The following ZFHX3 variants were observed in gnomAD, a reference collection of about 807,000 sequenced individuals.
ZFHX3 encodes the protein zinc finger homeobox protein 3.
In ZFHX3, 42 loss-of-function variants were observed where a neutral mutation model predicts 279.1. That is an observed-to-expected ratio of 0.15 (90% CI 0.12 to 0.19). The LOEUF (loss-of-function observed/expected upper bound fraction) is 0.19, where lower values mean the gene tolerates loss of function less well. Ranked by LOEUF, ZFHX3 falls within the 10% of genes least tolerant of loss-of-function variation. The probability of loss-of-function intolerance (pLI) is 1.00; values close to 1 mark genes in which losing one functional copy is unlikely to be tolerated. For missense variants in ZFHX3, 4,981 were observed against 4,754.0 expected, an observed-to-expected ratio of 1.05 and a Z score of -1.40; for synonymous variants, 2,293 against 1,957.8, an observed-to-expected ratio of 1.17 and a Z score of -4.52.
chr16:72,970,921 G>A (rs1170116126), intron 1 of ZFHX3, among the ~76,000 whole-genome samples: 1 of 152,204 alleles, frequency 6.6e-6, no homozygotes, highest in Non-Finnish European at 1.5e-5. Context: ...TATGATTAAA[G>A]TTGTGGGAGT....
chr16:73,100,384 C>T (rs913238187), intron 7 of ZFHX3, among the ~76,000 whole-genome samples: 4 of 152,100 alleles, frequency 2.6e-5, no homozygotes, highest in Non-Finnish European at 5.9e-5. Context: ...ATCTCACCAA[C>T]GGGCATGCCT....
intron 1 of ZFHX3, among the ~76,000 whole-genome samples, chr16:72,989,458 G>A (rs1425925504): frequency 7.3e-5 from 11 of 151,406 alleles, no homozygotes; most frequent in Non-Finnish European, 1.5e-5. Flanking sequence ...CTCCAGCCTG[G>A]GCGACAGACA....
intron 4 of ZFHX3, among the ~76,000 whole-genome samples, chr16:73,307,063 T>C (rs2015198959): frequency 6.6e-6 from 1 of 152,166 alleles, no homozygotes; most frequent in Admixed American, 6.5e-5. Context: ...CACTGACAAA[T>C]GCCTTTTTGG....
At chr16:73,627,297 C>T (rs2052426301) in intron 2 of ZFHX3, among the ~76,000 whole-genome samples, 1 of 152,150 alleles carries the variant, frequency 6.6e-6, no homozygotes, top group Non-Finnish European at 1.5e-5. Flanking sequence ...AGGTTGGCAG[C>T]AGCCATATTA....
intron 2 of ZFHX3, among the ~76,000 whole-genome samples, chr16:72,955,850 C>G (rs1278167882): frequency 1.3e-5 from 2 of 151,308 alleles, no homozygotes; most frequent in Non-Finnish European, 2.9e-5. Flanking sequence ...TGTCTTCATT[C>G]CACCTCCGTT....
chr16:73,078,013 C>G (rs1394601928), intron 8 of ZFHX3, among the ~76,000 whole-genome samples: 1 of 152,144 alleles, frequency 6.6e-6, no homozygotes, highest in Non-Finnish European at 1.5e-5. Flanking sequence ...TCATGTTGAC[C>G]AGGCTGGTCT....
At chr16:73,675,597 C>G (rs1597059999) in intron 2 of ZFHX3, among the ~76,000 whole-genome samples, 1 of 152,084 alleles carries the variant, frequency 6.6e-6, no homozygotes, top group East Asian at 1.9e-4. Flanking sequence ...TCTTAGATTA[C>G]TGCGGTTCCT....
chr16:73,039,104 G>C (rs1194100986), intron 1 of ZFHX3, among the ~76,000 whole-genome samples: 1 of 147,220 alleles, frequency 6.8e-6, no homozygotes, highest in Admixed American at 6.9e-5. Context: ...ACATGCCACC[G>C]AGCCTAGCTA....
At chr16:73,153,616 C>T (rs192687430) in intron 5 of ZFHX3, among the ~76,000 whole-genome samples, 1 of 152,194 alleles carries the variant, frequency 6.6e-6, no homozygotes, top group Admixed American at 6.5e-5. Context: ...ATAAATATCT[C>T]TTAAGTTTAA....
chr16:73,312,531 G>C (rs1281697709), intron 4 of ZFHX3, among the ~76,000 whole-genome samples: 4 of 152,198 alleles, frequency 2.6e-5, no homozygotes, highest in Admixed American at 6.5e-5. Context: ...GAAAATGAGA[G>C]AGCAGCGATG....
chr16:72,946,704 C>T (rs1960695624), intron 3 of ZFHX3, among the ~76,000 whole-genome samples: 1 of 152,184 alleles, frequency 6.6e-6, no homozygotes, highest in Non-Finnish European at 1.5e-5. Flanking sequence ...GCAGGCTGTA[C>T]ACTAGCCGTG....
intron 2 of ZFHX3, among the ~76,000 whole-genome samples, chr16:73,671,553 AC>A (rs949315756): frequency 1.3e-5 from 2 of 152,258 alleles, no homozygotes; most frequent in African/African-American, 4.8e-5. Context: ...AGTGATATTA[AC>A]AAATTGGTTT....
At chr16:73,678,463 G>T (rs946542017) in intron 2 of ZFHX3, among the ~76,000 whole-genome samples, 1 of 151,950 alleles carries the variant, frequency 6.6e-6, no homozygotes, top group Non-Finnish European at 1.5e-5. Context: ...TGCTACTTAG[G>T]CTCTTCAGTA....
intron 7 of ZFHX3, among the ~76,000 whole-genome samples, chr16:72,802,066 C>T (rs1254707902): frequency 6.6e-6 from 1 of 152,032 alleles, no homozygotes; most frequent in African/African-American, 2.4e-5. Context: ...TTATCTAACA[C>T]CTCAGCTGCA....
chr16:73,174,848 T>C (rs1967622535), intron 5 of ZFHX3, among the ~76,000 whole-genome samples: 1 of 124,272 alleles, frequency 8.0e-6, no homozygotes, highest in Admixed American at 9.0e-5. Context: ...CAAAACCCCG[T>C]CTCTACTAAA....
At chr16:73,300,692 C>T (rs1281604330) in intron 4 of ZFHX3, among the ~76,000 whole-genome samples, 11 of 152,246 alleles carry the variant, frequency 7.2e-5, no homozygotes, top group South Asian at 2.1e-4. Context: ...TTAGTAGAGA[C>T]GGAGTTTTGC....
chr16:73,864,316 A>C (rs1254075032), intron 1 of ZFHX3, among the ~76,000 whole-genome samples: 2 of 152,250 alleles, frequency 1.3e-5, no homozygotes, highest in African/African-American at 4.8e-5. Context: ...CATTCACTGA[A>C]GGAACATTCA....
At chr16:73,500,708 A>G (rs1044152191) in intron 2 of ZFHX3, among the ~76,000 whole-genome samples, 1 of 139,250 alleles carries the variant, frequency 7.2e-6, no homozygotes, top group Non-Finnish European at 1.5e-5. Context: ...AAAAAAAAAA[A>G]ACCTCACAGA....
At chr16:73,333,736 A>G (rs2015851281) in intron 3 of ZFHX3, among the ~76,000 whole-genome samples, 1 of 151,090 alleles carries the variant, frequency 6.6e-6, no homozygotes, top group South Asian at 2.1e-4. Flanking sequence ...TGCTTCAAAC[A>G]GAAACACTGA....
Sources: gnomAD v4.1 joint callset for allele counts (sites outside exome capture counted in the v4.1 genomes callset) on GRCh38, gnomAD v4.1.1 for gene constraint, MANE v1.5 for transcripts, NCBI Gene and HGNC (gene_info 2026-07-23, HGNC 2026-07-21) for gene names.